TLCD5: variants seen among roughly 807,000 people sequenced by gnomAD.
The protein encoded by TLCD5 is TLC domain-containing protein 5.
TLCD5 carries 15 observed loss-of-function variants against 20.5 expected under a neutral mutation model. The observed-to-expected ratio is 0.73, with a 90% CI of 0.49 to 1.13. The LOEUF (loss-of-function observed/expected upper bound fraction) is 1.13, where lower values mean the gene tolerates loss of function less well. TLCD5 is among the 50% of genes most tolerant of loss of function. The pLI, the probability that TLCD5 is intolerant of heterozygous loss-of-function variation, is 0.00. For synonymous variants in TLCD5, 107 were observed against 114.7 expected (o/e 0.93, Z 0.43); for missense variants, 289 against 305.6 (o/e 0.95, Z 0.41).
intron 1 of TLCD5, chr11:120,327,076 C>A (rs114074366): frequency 5.3e-4 from 184 of 349,782 alleles, no homozygotes; most frequent in African/African-American, 3.6e-3. Context: ...ACTGTGAAGA[C>A]ATTATTTAAT....
chr11:120,327,132 G>A (rs1942018465), intron 1 of TLCD5: 2 of 525,990 alleles, frequency 3.8e-6, no homozygotes, highest in East Asian at 3.3e-5. Flanking sequence ...GTCAGTCATC[G>A]CTAGAGGGTT....
chr11:120,328,966 A>G (rs75505055), intron 2 of TLCD5, among the ~76,000 whole-genome samples: 606 of 45,938 alleles, frequency 0.013, 2 homozygotes, highest in South Asian at 0.022. Flanking sequence ...TTATGTATGC[A>G]TATCTGTGTC....
chr11:120,327,791 A>G, intron 2 of TLCD5, 151 bp downstream of exon 2: 2 of 774,810 alleles, frequency 2.6e-6, no homozygotes, highest in Non-Finnish European at 3.9e-6. Context: ...TAACTCTGAT[A>G]TTGTTTATGT....
chr11:120,327,566 C>A lies in TLCD5; in HGVS notation c.125C>A (p.Thr42Asn), dbSNP rs567485985. 1.2e-6 allele frequency: 2 copies of A among 1,614,182 alleles called. No individual in the cohort carries two copies. The highest frequency in any genetic ancestry group is 1.1e-5 in the South Asian group (1 of 91,076). The change falls in exon 2 of 3, where the codon ACC becomes AAC. Residue 42 changes from threonine (T) to asparagine (N), a missense_variant. Coordinates refer to ENST00000375095, the MANE Select transcript of TLCD5 (RefSeq NM_001198671.2). ...TGGAGCTGCCGCCTGGTCACCTTCA[C>A]CCATGGAGTCCTCTCTATAGGCCTC... is the stretch of plus-strand genomic sequence containing the variant. ...YEWSCRLVTFTHGVLSIGLSA... is the reference protein window; with the variant it reads ...YEWSCRLVTFNHGVLSIGLSA...
Position 120,330,662 on chromosome 11 carries a change from G to A in TLCD5, c.*147G>A, listed in dbSNP as rs968570134. 5.8e-6 allele frequency: 5 copies of A among 868,974 alleles called. No homozygotes were observed. Among genetic ancestry groups the A allele is most frequent in the East Asian group, 2.7e-5 (1 of 37,230 alleles). 53.8% of individuals were successfully genotyped at this position (868,974 alleles called of 1,614,324 possible). A position where few individuals can be genotyped will look rare whatever the true frequency, so the allele number is the denominator to read the frequency against. On this transcript the variant is annotated 3_prime_UTR_variant, in exon 3 of 3. Coordinates refer to ENST00000375095, the MANE Select transcript of TLCD5 (RefSeq NM_001198671.2). ...GATCAATTTGGTCAGTCTTCAAGCC[G>A]AGCATATACCAGTATTAAAACACTA...
rs1218604382 is a variant in TLCD5 at position 120,330,525 on chromosome 11, G to C, written c.*10G>C. On this transcript the variant is annotated 3_prime_UTR_variant, in exon 3 of 3. Transcript: ENST00000375095. ...TCTCAAAATACACTAGCCAAGGCTT[G>C]CTCCAGATTATGGATTGGGTTAAGT... The C allele has an allele frequency of 1.9e-6, 3 of 1,599,184 alleles. No homozygotes were observed. The highest frequency in any genetic ancestry group is 2.6e-6 in the Non-Finnish European group (3 of 1,171,836).
intron 1 of TLCD5, among the ~76,000 whole-genome samples, chr11:120,325,571 T>C: frequency 6.6e-6 from 1 of 151,912 alleles, no homozygotes. Context: ...CGGCTCTTGG[T>C]CCGGGCGTGG....
chr11:120,330,478 G>A lies in TLCD5; in HGVS notation c.701G>A (p.Arg234Gln), dbSNP rs372247884. The A allele has an allele frequency of 1.1e-4, 175 of 1,613,704 alleles. 2 individuals are homozygous for A. In the Admixed American group the frequency reaches 1.2e-3, roughly 11 times the overall value. ...TGGAGAAGCAGGCGGAGTGAGGAAC[G>A]GCAGCTGAAACACAACGGACATCTC... is the stretch of plus-strand genomic sequence containing the variant. ...HAWRSRRSEE[R>Q]QLKHNGHLKI... The change falls in exon 3 of 3, where the codon CGG becomes CAG. Residue 234 changes from arginine (R) to glutamine (Q), a missense_variant. Coordinates refer to ENST00000375095, the MANE Select transcript of TLCD5 (RefSeq NM_001198671.2).
At position 120,331,664 on chromosome 11, in the gene TLCD5, A is replaced by G. The variant is rs1289294158; in HGVS notation, c.*1149A>G. 4 of 152,116 alleles carry G rather than the reference A, an allele frequency of 2.6e-5. No individual in the cohort carries two copies. Among genetic ancestry groups the G allele is most frequent in the Admixed American group, 1.3e-4 (2 of 15,282 alleles). 9.4% of individuals were successfully genotyped at this position (152,116 alleles called of 1,614,324 possible). A position where few individuals can be genotyped will look rare whatever the true frequency, so the allele number is the denominator to read the frequency against. ...CTATGTTAACTCTTTTCTGCACAAA[A>G]CCTATAGAGTTAGGGCTTTGGATCT... is the stretch of plus-strand genomic sequence containing the variant. On this transcript the variant is annotated 3_prime_UTR_variant, in exon 3 of 3. Transcript: ENST00000375095. The surrounding 1 kb of genome is among the most constrained non-coding windows in gnomAD (Gnocchi z 4.5).
chr11:120,328,842 A>AGTGT (rs67336059), intron 2 of TLCD5, among the ~76,000 whole-genome samples: 9 of 36,852 alleles, frequency 2.4e-4, no homozygotes, highest in Non-Finnish European at 3.5e-4. Flanking sequence ...TAACAGTCAT[A>AGTGT]GTGTGTGTGT....
Position 120,330,229 on chromosome 11 carries a change from A to G in TLCD5, c.452A>G (p.His151Arg), listed in dbSNP as rs1180203496. 3 of 1,554,452 alleles carry G rather than the reference A, an allele frequency of 1.9e-6. No homozygotes were observed. The highest frequency in any genetic ancestry group is 2.4e-5 in the East Asian group (1 of 41,482). The change falls in exon 3 of 3, where the codon CAC (histidine) becomes CGC (arginine). Residue 151 changes from histidine (H) to arginine (R), a missense_variant. Coordinates refer to ENST00000375095, the MANE Select transcript of TLCD5 (RefSeq NM_001198671.2). ...CGCTGGTTTCTCCGGGAAACAGGGC[A>G]CTATCACAGTTTCACTGGAGATGTA... The part of the protein sequence containing the change: ...QMRWFLRETG[H>R]YHSFTGDVVD...
Position 120,330,268 on chromosome 11 carries a change from T to C in TLCD5, c.491T>C (p.Phe164Ser), listed in dbSNP as rs755094489. 2.4e-5 allele frequency: 37 copies of C among 1,555,174 alleles called. No homozygotes were observed. Among genetic ancestry groups the C allele is most frequent in the Non-Finnish European group, 3.1e-5 (36 of 1,150,056 alleles). The change falls in exon 3 of 3, where the codon TTT becomes TCT. Residue 164 changes from phenylalanine to serine, a missense_variant. Physicochemically the swap from Phe to Ser is radical, Grantham distance 155 (BLOSUM62 -2). Coordinates refer to ENST00000375095, the MANE Select transcript of TLCD5 (RefSeq NM_001198671.2). ...SFTGDVVDFL[F>S]VALFTGVRIG... ...ACTGGAGATGTAGTGGACTTCCTCTTTGTGGCTCTGTTCACAGGAGTGAGG... is the reference window on the plus strand; with the variant it reads ...ACTGGAGATGTAGTGGACTTCCTCTCTGTGGCTCTGTTCACAGGAGTGAGG...
Position 120,328,136 on chromosome 11 carries a change from G to T in TLCD5, c.199+496G>T, listed in dbSNP as rs551087732. On this transcript the variant is annotated intron_variant, in intron 2 of 2. Transcript: ENST00000375095. ...GAGTCTTGCTCTGTTGCCCAGGCTG[G>T]GGTGCAGTGGCTCAATCTCAGCAAG... 2.0e-5 allele frequency among the ~76,000 whole-genome samples: 3 copies of T among 151,986 alleles called. No individual in the cohort carries two copies. The South Asian group carries it at 6.3e-4, about 32-fold the overall frequency.
At chr11:120,326,684 A>G (rs923058367) in intron 1 of TLCD5, among the ~76,000 whole-genome samples, 2 of 152,220 alleles carry the variant, frequency 1.3e-5, no homozygotes, top group Non-Finnish European at 1.5e-5. Flanking sequence ...GTTCCAAGGT[A>G]CAGCTTTCTG....
At position 120,325,321 on chromosome 11, in the gene TLCD5, G is replaced by A. The variant is rs1941963253; in HGVS notation, c.-49G>A. ...TTCCTGTTGCCGCGATCCGGGCCGG[G>A]AGCTGCGGGCGCCCGGGCGCCCGAG... On this transcript the variant is annotated 5_prime_UTR_variant, in exon 1 of 3. Coordinates refer to ENST00000375095, the MANE Select transcript of TLCD5 (RefSeq NM_001198671.2). 1 of 152,230 alleles carries A rather than the reference G, an allele frequency of 6.6e-6. No homozygotes were observed. 9.4% of individuals were successfully genotyped at this position (152,230 alleles called of 1,614,324 possible).
rs1555084787 is a variant in TLCD5, at chr11:120,328,945, T to TG, written c.200-1032_200-1031insG. The stretch of plus-strand genomic sequence containing the variant: ...GTGTGTGTGTGTGTGTGTGTGTGTG[T>TG]TTGTGTATGTTTATGTATGCATATC... On this transcript the variant is annotated intron_variant, in intron 2 of 2. Coordinates refer to ENST00000375095, the MANE Select transcript of TLCD5 (RefSeq NM_001198671.2). 4.6e-3 allele frequency among the ~76,000 whole-genome samples: 314 copies of TG among 67,654 alleles called. 12 individuals carry two copies. The highest frequency in any genetic ancestry group is 7.1e-3 in the East Asian group (22 of 3,116). The allele number at this position is 67,654 out of a possible 152,430, so 44.4% of individuals were successfully genotyped here. A position where few individuals can be genotyped will look rare whatever the true frequency, so the allele number is the denominator to read the frequency against.
chr11:120,330,866 C>G lies in TLCD5; in HGVS notation c.*351C>G, dbSNP rs77465188. On this transcript the variant is annotated 3_prime_UTR_variant, in exon 3 of 3. Coordinates refer to ENST00000375095, the MANE Select transcript of TLCD5 (RefSeq NM_001198671.2). ...GAAAGGAACTCGAAAAAGATTAGTGCTATTTCTTGTTCCTTTGAGAAGTAA... is the reference window on the plus strand; with the variant it reads ...GAAAGGAACTCGAAAAAGATTAGTGGTATTTCTTGTTCCTTTGAGAAGTAA... 5.4e-6 allele frequency: 1 copy of G among 185,266 alleles called. No individual in the cohort carries two copies. The highest frequency in any genetic ancestry group is 1.4e-4 in the East Asian group (1 of 7,258). 11.5% of individuals were successfully genotyped at this position (185,266 alleles called of 1,614,324 possible). A position where few individuals can be genotyped will look rare whatever the true frequency, so the allele number is the denominator to read the frequency against.
Position 120,331,708 on chromosome 11 carries a change from G to A in TLCD5, c.*1193G>A, listed in dbSNP as rs1010158913. ...TGGATCTGAGATGAATGAAGTGTGG[G>A]TAGATTTACTGAGTCCTGTTATATG... On this transcript the variant is annotated 3_prime_UTR_variant, in exon 3 of 3. Transcript: ENST00000375095. This position sits in a 1 kb window ranked among gnomAD's most constrained non-coding sequence, Gnocchi z 4.5. 2.6e-5 allele frequency: 4 copies of A among 152,228 alleles called. No individual in the cohort carries two copies. The highest frequency in any genetic ancestry group is 9.7e-5 in the African/African-American group (4 of 41,440). 9.4% of individuals were successfully genotyped at this position (152,228 alleles called of 1,614,324 possible). A position where few individuals can be genotyped will look rare whatever the true frequency, so the allele number is the denominator to read the frequency against.
intron 2 of TLCD5, among the ~76,000 whole-genome samples, chr11:120,328,593 C>T (rs1377197225): frequency 8.7e-5 from 2 of 23,026 alleles, no homozygotes; most frequent in African/African-American, 2.9e-4. Context: ...CATGGTCTCC[C>T]CTCTGTGTGT....
Sources: allele counts gnomAD v4.1 joint callset (sites outside exome capture counted in the v4.1 genomes callset), GRCh38; gene constraint gnomAD v4.1.1; non-coding constraint Gnocchi (gnomAD v3.1); transcripts MANE v1.5; gene names NCBI Gene and HGNC (gene_info 2026-07-23, HGNC 2026-07-21).